Variants in GARNL3 observed in about 807,000 individuals in gnomAD.
GARNL3 encodes the protein GTPase-activating Rap/Ran-GAP domain-like protein 3.
In GARNL3, 63 loss-of-function variants were observed where a neutral mutation model predicts 125.0. That is an observed-to-expected ratio of 0.50 (90% confidence interval 0.41 to 0.62). The LOEUF is 0.62. GARNL3 is among the 20% of genes least tolerant of loss of function. The probability of loss-of-function intolerance (pLI) is 0.00; values close to 1 mark genes in which losing one functional copy is unlikely to be tolerated. For synonymous variants in GARNL3, 439 were observed against 457.5 expected (o/e 0.96, Z 0.52); for missense variants, 994 against 1,244.0 (o/e 0.80, Z 3.02).
intron 4 of GARNL3, among the ~76,000 whole-genome samples, chr9:127,315,136 A>G (rs1229123228): frequency 6.6e-6 from 1 of 152,148 alleles, no homozygotes; most frequent in Non-Finnish European, 1.5e-5. Context: ...GCCAAGGACA[A>G]TGAGAGGGTT....
intron 19 of GARNL3, among the ~76,000 whole-genome samples, chr9:127,355,040 G>C (rs1349205503): frequency 2.0e-5 from 3 of 152,196 alleles, no homozygotes; most frequent in Non-Finnish European, 4.4e-5. Flanking sequence ...TTATTCGCCC[G>C]CCTCGGCCTC....
intron 17 of GARNL3, among the ~76,000 whole-genome samples, chr9:127,350,266 C>G (rs1466674091): frequency 2.0e-5 from 3 of 152,062 alleles, no homozygotes; most frequent in South Asian, 4.1e-4. Context: ...TCGAGTTTCT[C>G]TAAATTGGAG....
At chr9:127,251,119 A>G (rs1004554631) in intron 2 of GARNL3, among the ~76,000 whole-genome samples, 2 of 152,204 alleles carry the variant, frequency 1.3e-5, no homozygotes, top group Admixed American at 1.3e-4. Flanking sequence ...ATTAGATAGT[A>G]TTACTATTTT....
At chr9:127,328,438 A>C (rs904151428) in intron 7 of GARNL3, among the ~76,000 whole-genome samples, 8 of 152,156 alleles carry the variant, frequency 5.3e-5, no homozygotes, top group Non-Finnish European at 2.9e-5. Flanking sequence ...CAGGTAATCC[A>C]ATAAAGAATA....
At chr9:127,306,425 A>G (rs2064955090) in intron 2 of GARNL3, among the ~76,000 whole-genome samples, 1 of 152,102 alleles carries the variant, frequency 6.6e-6, no homozygotes, top group South Asian at 2.1e-4. Flanking sequence ...TGTACTAAAA[A>G]TACAAAATGC....
At chr9:127,263,611 GAGGGA>G, upstream of GARNL3, 1 of 853,694 alleles carries the variant, frequency 1.2e-6, no homozygotes, top group Non-Finnish European at 1.4e-6. Context: ...ATAGACCATG[GAGGGA>G]AGGTTTTTAT....
At chr9:127,345,357 A>G (rs1830080067) in intron 15 of GARNL3, 46 bp from the exon 16 acceptor site, 2 of 1,219,578 alleles carry the variant, frequency 1.6e-6, no homozygotes, top group South Asian at 1.4e-5. Flanking sequence ...ATCCTGCTGT[A>G]CTTTTGCCGC....
intron 22 of GARNL3, among the ~76,000 whole-genome samples, chr9:127,380,043 G>T (rs905201433): frequency 6.6e-6 from 1 of 152,126 alleles, no homozygotes; most frequent in African/African-American, 2.4e-5. Flanking sequence ...AGCCAGGCGT[G>T]GTGGGGCACG....
At chr9:127,255,038 A>G (rs558806616) in intron 2 of GARNL3, among the ~76,000 whole-genome samples, 7 of 152,224 alleles carry the variant, frequency 4.6e-5, no homozygotes, top group Non-Finnish European at 8.8e-5. Context: ...ACTAGAATGC[A>G]TATGCTGCTC....
chr9:127,259,107 C>T (rs867543810), upstream of GARNL3, among the ~76,000 whole-genome samples: 1 of 152,196 alleles, frequency 6.6e-6, no homozygotes, highest in Non-Finnish European at 1.5e-5. Context: ...TGGATCTCTG[C>T]GTTTGGCTTC....
chr9:127,281,509 A>ACCCAGCTG (rs1204256929), intron 1 of GARNL3, among the ~76,000 whole-genome samples: 21 of 152,164 alleles, frequency 1.4e-4, no homozygotes, highest in South Asian at 1.0e-3. Context: ...TGCTCTCAGC[A>ACCCAGCTG]CCCAGCTGCC....
At chr9:127,326,067 G>C (rs968612267) in intron 7 of GARNL3, among the ~76,000 whole-genome samples, 2 of 152,130 alleles carry the variant, frequency 1.3e-5, no homozygotes, top group East Asian at 3.8e-4. Flanking sequence ...TCCTCAGAAA[G>C]AGCCTATAGT....
intron 7 of GARNL3, 85 bp from the exon 8 acceptor site, chr9:127,332,189 G>A: frequency 1.0e-6 from 1 of 952,468 alleles, no homozygotes; most frequent in Non-Finnish European, 1.7e-6. Context: ...GACTGCCATT[G>A]TGCTAAGTCA....
chr9:127,264,106 CATG>C, upstream of GARNL3: 1 of 732,940 alleles, frequency 1.4e-6, no homozygotes, highest in Non-Finnish European at 2.2e-6. Context: ...GAGTTATTTG[CATG>C]ACATATTAGA....
intron 6 of GARNL3, among the ~76,000 whole-genome samples, chr9:127,322,137 A>G (rs149217665): frequency 1.6e-3 from 245 of 152,350 alleles, no homozygotes; most frequent in Non-Finnish European, 2.9e-3. Flanking sequence ...GTGATACTTT[A>G]TAGCAAATTT....
intron 2 of GARNL3, among the ~76,000 whole-genome samples, chr9:127,297,938 TTC>T (rs1168838552): frequency 2.6e-5 from 4 of 152,234 alleles, no homozygotes; most frequent in African/African-American, 9.6e-5. Context: ...ACTGTTCAGT[TTC>T]TCTTATGAGA....
chr9:127,374,108 C>T lies in GARNL3; in HGVS notation c.2161+8742C>T, dbSNP rs1287619984. Among the ~76,000 whole-genome samples, 3 of 152,152 alleles carry T rather than the reference C, an allele frequency of 2.0e-5. No homozygotes were observed. In the East Asian group the frequency reaches 5.8e-4, roughly 29 times the overall value. On this transcript the variant is annotated intron_variant, in intron 22 of 27. Transcript: ENST00000373387. ...CCTGAGGTCAGGAGTTCGAGAGCAG[C>T]CTGACCAACATGGTAAAACCTCGCC...
At position 127,266,638 on chromosome 9, in the gene GARNL3, A is replaced by T. The variant is rs993159731; in HGVS notation, c.144+1617A>T. The stretch of plus-strand genomic sequence containing the variant: ...TCTATAAAATGGGGATATTTCTGTT[A>T]TCTACCTTAGAGGGTTGTTATGAGG... On this transcript the variant is annotated intron_variant, in intron 1 of 27. Coordinates refer to ENST00000373387, the MANE Select transcript of GARNL3 (RefSeq NM_032293.5). The surrounding 1 kb of genome is among the most constrained non-coding windows in gnomAD (Gnocchi z 4.0). Among the ~76,000 whole-genome samples, 3 of 152,186 alleles carry T rather than the reference A, an allele frequency of 2.0e-5. No individual in the cohort carries two copies. The highest frequency in any genetic ancestry group is 6.5e-5 in the Admixed American group (1 of 15,282).
intron 6 of GARNL3, among the ~76,000 whole-genome samples, chr9:127,323,594 G>A (rs1269838234): frequency 1.3e-5 from 2 of 152,162 alleles, no homozygotes; most frequent in African/African-American, 2.4e-5. Flanking sequence ...GCTGAGAGGT[G>A]CGATCCTTTT....
Sources: allele counts gnomAD v4.1 joint callset (sites outside exome capture counted in the v4.1 genomes callset), GRCh38; gene constraint gnomAD v4.1.1; non-coding constraint Gnocchi (gnomAD v3.1); transcripts MANE v1.5; gene names NCBI Gene and HGNC (gene_info 2026-07-23, HGNC 2026-07-21).